SCARF1: variants seen among roughly 807,000 people sequenced by gnomAD.
The protein encoded by SCARF1 is acetyl LDL receptor.
In SCARF1, 49 loss-of-function variants were observed where a neutral mutation model predicts 76.3. The observed-to-expected ratio is 0.64, with a 90% CI of 0.51 to 0.81. The LOEUF (loss-of-function observed/expected upper bound fraction) is 0.81, where lower values mean the gene tolerates loss of function less well. Ranked by LOEUF, SCARF1 falls within the 40% of genes least tolerant of loss-of-function variation. SCARF1 has a pLI of 0.00. For missense variants in SCARF1, 1,098 were observed against 1,143.9 expected, an observed-to-expected ratio of 0.96 and a Z score of 0.58; for synonymous variants, 495 against 474.6, an observed-to-expected ratio of 1.04 and a Z score of -0.56.
rs1910397314 is a variant in SCARF1, at chr17:1,644,879, G to A, written c.220C>T (p.Leu74Phe). ...AAGAATCCAGGCTTGCATCGACAGAGGCCCGGCTTCACACACACCTCGTCT... is the reference window on the plus strand; with the variant it reads ...AAGAATCCAGGCTTGCATCGACAGAAGCCCGGCTTCACACACACCTCGTCT... ...QKDEVCVKPG[L>F]CRCKPGFFGA... is the part of the protein sequence containing the mutation. The change falls in exon 3 of 11, where the codon CTC (leucine) becomes TTC (phenylalanine). Residue 74 changes from leucine (L) to phenylalanine (F), a missense_variant. Physicochemically the swap from Leu to Phe is conservative, Grantham distance 22. Transcript: ENST00000263071. The surrounding 1 kb of genome is among the most constrained non-coding windows in gnomAD (Gnocchi z 4.8). 2 of 1,613,456 alleles carry A rather than the reference G, an allele frequency of 1.2e-6. No individual in the cohort carries two copies. Among genetic ancestry groups the A allele is most frequent in the Admixed American group, 1.7e-5 (1 of 59,970 alleles).
chr17:1,637,374 C>T (rs562876773), intron 8 of SCARF1, among the ~76,000 whole-genome samples: 7 of 151,794 alleles, frequency 4.6e-5, no homozygotes, highest in African/African-American at 1.7e-4. Flanking sequence ...CTATCTATAT[C>T]TATCCATCTA....
chr17:1,640,101 GC>G lies in SCARF1; in HGVS notation c.1011-62del. 1 of 1,583,232 alleles carries G rather than the reference GC, an allele frequency of 6.3e-7. No homozygotes were observed. The highest frequency in any genetic ancestry group is 8.6e-7 in the Non-Finnish European group (1 of 1,164,666). On this transcript the variant is annotated intron_variant, in intron 5 of 10. Coordinates refer to ENST00000263071, the MANE Select transcript of SCARF1 (RefSeq NM_003693.4). The surrounding 1 kb of genome is among the most constrained non-coding windows in gnomAD (Gnocchi z 4.7). The stretch of plus-strand genomic sequence containing the variant: ...AGGCAGGCCTGGCCCCCACTGTGGG[GC>G]CCCACCCCTCCGCCCCACGCTCCTG...
chr17:1,637,634 G>A lies in SCARF1; in HGVS notation c.1365-572C>T, dbSNP rs547581914. On this transcript the variant is annotated intron_variant, in intron 8 of 10. Coordinates refer to ENST00000263071, the MANE Select transcript of SCARF1 (RefSeq NM_003693.4). ...ATTACAGGCGTGCACCACCACACCC[G>A]GCTAATTTTGTATTTTTAGTAGAGA... Among the ~76,000 whole-genome samples the A allele has an allele frequency of 3.9e-3, 594 of 152,122 alleles. 2 individuals carry two copies. The highest frequency in any genetic ancestry group is 0.013 in the African/African-American group (551 of 41,486).
intron 6 of SCARF1, 51 bp from the exon 7 acceptor site, chr17:1,639,793 G>A: frequency 6.2e-7 from 1 of 1,603,718 alleles, no homozygotes; most frequent in Non-Finnish European, 8.5e-7. Flanking sequence ...AGTGGGGGAG[G>A]CAGGCAGGAG....
At chr17:1,636,627 T>A (rs2151093824) in intron 10 of SCARF1, 82 bp downstream of exon 10, 2 of 1,493,586 alleles carry the variant, frequency 1.3e-6, no homozygotes, top group East Asian at 4.7e-5. Context: ...AAAATAAAAA[T>A]AAATAACTTT....
intron 6 of SCARF1, 51 bp downstream of exon 6, chr17:1,639,861 C>T (rs1217069620): frequency 6.2e-7 from 1 of 1,610,498 alleles, no homozygotes; most frequent in Admixed American, 1.7e-5. Context: ...CTGCACAGAG[C>T]CCTGACCTAG....
rs1039432738 is a variant in SCARF1, at chr17:1,640,979, G to A, written c.792-313C>T. 2.6e-5 allele frequency among the ~76,000 whole-genome samples: 4 copies of A among 152,192 alleles called. No homozygotes were observed. The highest frequency in any genetic ancestry group is 9.7e-5 in the African/African-American group (4 of 41,440). On this transcript the variant is annotated intron_variant, in intron 4 of 10. Coordinates refer to ENST00000263071, the MANE Select transcript of SCARF1 (RefSeq NM_003693.4). This position sits in a 1 kb window ranked among gnomAD's most constrained non-coding sequence, Gnocchi z 4.7. ...ACCAAGCTCTGAGTCCCATTTGCGA[G>A]GTCTGCCAGGCCTTCCCTCCTGCTC... is the stretch of plus-strand genomic sequence containing the variant.
Position 1,633,984 on chromosome 17 carries a change from A to G in SCARF1, c.*774T>C, listed in dbSNP as rs1194146890. 6.6e-6 allele frequency: 1 copy of G among 152,238 alleles called. No homozygotes were observed. The highest frequency in any genetic ancestry group is 1.5e-5 in the Non-Finnish European group (1 of 68,042). The allele number at this position is 152,238 out of a possible 1,614,324, so 9.4% of individuals were successfully genotyped here. A position where few individuals can be genotyped will look rare whatever the true frequency, so the allele number is the denominator to read the frequency against. On this transcript the variant is annotated 3_prime_UTR_variant, in exon 11 of 11. Coordinates refer to ENST00000263071, the MANE Select transcript of SCARF1 (RefSeq NM_003693.4). ...GTTCACTGTAGAAAATTTGCAAACTATACAAAAGTTTCAGAAGAAAATAAA... is the reference window on the plus strand; with the variant it reads ...GTTCACTGTAGAAAATTTGCAAACTGTACAAAAGTTTCAGAAGAAAATAAA...
Position 1,644,784 on chromosome 17 carries a change from C to A in SCARF1, c.265+50G>T, listed in dbSNP as rs1206051714. The A allele has an allele frequency of 1.3e-6, 2 of 1,548,038 alleles. No homozygotes were observed. Among genetic ancestry groups the A allele is most frequent in the Non-Finnish European group, 1.8e-6 (2 of 1,137,124 alleles). On this transcript the variant is annotated intron_variant, in intron 3 of 10. Coordinates refer to ENST00000263071, the MANE Select transcript of SCARF1 (RefSeq NM_003693.4). This position sits in a 1 kb window ranked among gnomAD's most constrained non-coding sequence, Gnocchi z 4.8. ...TGCCTCGCCTGCTCCCACACCACTGCCCCCGTACCCAGCTCTGCCCAGCAA... is the reference window on the plus strand; with the variant it reads ...TGCCTCGCCTGCTCCCACACCACTGACCCCGTACCCAGCTCTGCCCAGCAA...
chr17:1,636,619 A>T, intron 10 of SCARF1, 90 bp downstream of exon 10: 2 of 1,463,072 alleles, frequency 1.4e-6, no homozygotes, highest in East Asian at 4.8e-5. Flanking sequence ...CTCAAAAAAA[A>T]ATAAAAATAA....
Position 1,640,289 on chromosome 17 carries a change from C to T in SCARF1, c.1010+159G>A, listed in dbSNP as rs1377873559. 3.7e-6 allele frequency: 3 copies of T among 810,276 alleles called. No homozygotes were observed. Among genetic ancestry groups the T allele is most frequent in the Non-Finnish European group, 5.8e-6 (3 of 521,306 alleles). The allele number at this position is 810,276 out of a possible 1,614,324, so 50.2% of individuals were successfully genotyped here. ...GGGAGCTGGGATCCTGCCCAGGCCCCCCCAGAACCCACTGCTCTCCCCCAG... is the reference window on the plus strand; with the variant it reads ...GGGAGCTGGGATCCTGCCCAGGCCCTCCCAGAACCCACTGCTCTCCCCCAG... On this transcript the variant is annotated intron_variant, in intron 5 of 10. Transcript: ENST00000263071. This position sits in a 1 kb window ranked among gnomAD's most constrained non-coding sequence, Gnocchi z 4.7.
intron 10 of SCARF1, 45 bp from the exon 11 acceptor site, chr17:1,635,662 C>A (rs956707412): frequency 1.3e-6 from 2 of 1,560,942 alleles, no homozygotes; most frequent in Non-Finnish European, 1.7e-6. Context: ...GAACTGGCCA[C>A]CCCAATGCAT....
rs768147211 is a variant in SCARF1, at chr17:1,643,586, C to T, written c.647G>A (p.Gly216Asp). 19 of 1,473,146 alleles carry T rather than the reference C, an allele frequency of 1.3e-5. No homozygotes were observed. Among genetic ancestry groups the T allele is most frequent in the Middle Eastern group, 2.4e-4 (1 of 4,216 alleles). The allele number at this position is 1,473,146 out of a possible 1,614,324, so 91.3% of individuals were successfully genotyped here. The change falls in exon 4 of 11, where the codon GGT (glycine) becomes GAT (aspartate). Residue 216 changes from glycine to aspartate, a missense_variant. By Grantham distance (94) the Gly-to-Asp change is moderately conservative. Transcript: ENST00000263071. ...CTCGCACTGCTGCTGGCATTCGGGA[C>T]CCCACCAGCCCGGCCGGCAGGCGCA... ...GRCACRPGWW[G>D]PECQQQCECV...
In SCARF1 at chr17:1,634,982, C is replaced by G. The variant is rs749262027; in HGVS notation, c.2269G>C (p.Ala757Pro). 2 of 1,613,558 alleles carry G rather than the reference C, an allele frequency of 1.2e-6. No individual in the cohort carries two copies. The highest frequency in any genetic ancestry group is 2.2e-5 in the South Asian group (2 of 91,064). Residue 757 changes from alanine to proline, a missense_variant, in exon 11 of 11, where the codon GCC becomes CCC. Transcript: ENST00000263071. ...SGSVGQSPNS[A>P]PKAGLPGATG... ...GCCCCAGGAAGCCCAGCTTTTGGGG[C>G]TGAGTTGGGGCTCTGGCCGACAGAG...
chr17:1,641,035 G>A (rs779414633), intron 4 of SCARF1, among the ~76,000 whole-genome samples: 11 of 152,200 alleles, frequency 7.2e-5, no homozygotes, highest in Non-Finnish European at 1.2e-4. Flanking sequence ...ACACTGAGCC[G>A]TCCCCAGGTC....
rs559941039 is a variant in SCARF1 at position 1,634,340 on chromosome 17, G to T, written c.*418C>A. On this transcript the variant is annotated 3_prime_UTR_variant, in exon 11 of 11. Transcript: ENST00000263071. ...GGAGGCAGAGCTTGCAGTGAGCCGA[G>T]ATCGCACCACTGCACTCCAGCCTGG... 8.2e-5 allele frequency: 26 copies of T among 317,688 alleles called. No individual in the cohort carries two copies. The highest frequency in any genetic ancestry group is 4.3e-4 in the African/African-American group (20 of 46,280). The allele number at this position is 317,688 out of a possible 1,614,324, so 19.7% of individuals were successfully genotyped here. A position where few individuals can be genotyped will look rare whatever the true frequency, so the allele number is the denominator to read the frequency against.
Position 1,645,162 on chromosome 17 carries a change from T to G in SCARF1, c.163+16A>C. Reference sequence around the variant, plus strand: ...CCTCCCTTCTCCTTGGCTGAGGGTCTGTCCTGGCTACTCACGGATGGTGCA... The same window carrying G: ...CCTCCCTTCTCCTTGGCTGAGGGTCGGTCCTGGCTACTCACGGATGGTGCA... On this transcript the variant is annotated intron_variant, in intron 2 of 10. Coordinates refer to ENST00000263071, the MANE Select transcript of SCARF1 (RefSeq NM_003693.4). This position sits in a 1 kb window ranked among gnomAD's most constrained non-coding sequence, Gnocchi z 6.3. 5 of 1,613,874 alleles carry G rather than the reference T, an allele frequency of 3.1e-6. No homozygotes were observed. Among genetic ancestry groups the G allele is most frequent in the Non-Finnish European group, 4.2e-6 (5 of 1,179,940 alleles).
At chr17:1,638,588 T>A in intron 8 of SCARF1, 1 of 357,504 alleles carries the variant, frequency 2.8e-6, no homozygotes. Flanking sequence ...GCCAACTACC[T>A]CCATCACCTC....
Position 1,644,799 on chromosome 17 carries a change from C to T in SCARF1, c.265+35G>A. On this transcript the variant is annotated intron_variant, in intron 3 of 10. Transcript: ENST00000263071. This position sits in a 1 kb window ranked among gnomAD's most constrained non-coding sequence, Gnocchi z 4.8. ...CACACCACTGCCCCCGTACCCAGCT[C>T]TGCCCAGCAACTTCATCTGGCCCTT... 2 of 1,591,696 alleles carry T rather than the reference C, an allele frequency of 1.3e-6. No individual in the cohort carries two copies. The highest frequency in any genetic ancestry group is 1.7e-6 in the Non-Finnish European group (2 of 1,168,668).
Sources: gnomAD v4.1 joint callset for allele counts (sites outside exome capture counted in the v4.1 genomes callset) on GRCh38, gnomAD v4.1.1 for gene constraint, Gnocchi (gnomAD v3.1) non-coding constraint, MANE v1.5 for transcripts, NCBI Gene and HGNC (gene_info 2026-07-23, HGNC 2026-07-21) for gene names.